Variants in ABCA4 observed in about 807,000 individuals in gnomAD.
ABCA4 encodes retinal-specific phospholipid-transporting ATPase ABCA4.
A neutral mutation model predicts 263.7 loss-of-function variants in ABCA4; 196 were observed. That is an observed-to-expected ratio of 0.74 (90% CI 0.66 to 0.84). The LOEUF is 0.84. Among genes scored for constraint, ABCA4 ranks in the 40% least tolerant of loss-of-function variants. The pLI, the probability that ABCA4 is intolerant of heterozygous loss-of-function variation, is 0.00. For synonymous variants in ABCA4, 1,133 were observed against 1,094.2 expected, an observed-to-expected ratio of 1.04 and a Z score of -0.70; for missense variants, 2,792 against 2,855.1, an observed-to-expected ratio of 0.98 and a Z score of 0.50.
chr1:94,087,800 T>C (rs1425792668), intron 6 of ABCA4, among the ~76,000 whole-genome samples: 1 of 152,174 alleles, frequency 6.6e-6, no homozygotes, highest in Non-Finnish European at 1.5e-5. Context: ...TTGACAAATA[T>C]GTATTGAGTG....
Position 94,046,966 on chromosome 1 carries a change from C to A in ABCA4, c.2871G>T (p.Gln957His), listed in dbSNP as rs1487933769. 6.2e-7 allele frequency: 1 copy of A among 1,614,188 alleles called. No individual in the cohort carries two copies. The highest frequency in any genetic ancestry group is 1.1e-5 in the South Asian group (1 of 91,078). Reference sequence around the variant, plus strand: ...CATTGTGGCCCAGGAATGCGGTGATCTGGTTCTCGTAGAAGGTGATGTTCA... The same window carrying A: ...CATTGTGGCCCAGGAATGCGGTGATATGGTTCTCGTAGAAGGTGATGTTCA... Reference protein sequence around the residue: ...DRLNITFYENQITAFLGHNGA... With the variant: ...DRLNITFYENHITAFLGHNGA... Residue 957 changes from glutamine to histidine, a missense_variant, in exon 19 of 50, where the codon CAG (glutamine) becomes CAT (histidine). By Grantham distance (24) the Gln-to-His change is conservative (BLOSUM62 0). Coordinates refer to ENST00000370225, the MANE Select transcript of ABCA4 (RefSeq NM_000350.3).
intron 6 of ABCA4, among the ~76,000 whole-genome samples, chr1:94,091,715 C>T (rs758153703): frequency 6.6e-6 from 1 of 152,022 alleles, no homozygotes; most frequent in Non-Finnish European, 1.5e-5. Context: ...CACTGCCAGC[C>T]GAAGTTCAAG....
intron 11 of ABCA4, among the ~76,000 whole-genome samples, chr1:94,073,561 T>G (rs1661463375): frequency 6.6e-6 from 1 of 152,240 alleles, no homozygotes. Context: ...TTAGCTCATT[T>G]AATTCTCATA....
chr1:94,084,572 T>C (rs1661783886), intron 6 of ABCA4, among the ~76,000 whole-genome samples: 1 of 152,200 alleles, frequency 6.6e-6, no homozygotes, highest in African/African-American at 2.4e-5. Context: ...CTAGAATAAA[T>C]GTAGGTACAC....
intron 4 of ABCA4, among the ~76,000 whole-genome samples, chr1:94,105,573 A>G (rs1349710009): frequency 7.7e-6 from 1 of 130,248 alleles, no homozygotes; most frequent in Non-Finnish European, 1.6e-5. Flanking sequence ...TTCGTTTAAA[A>G]TGTGGTTCTT....
chr1:94,019,973 A>T (rs1659852305), intron 35 of ABCA4, among the ~76,000 whole-genome samples: 1 of 152,184 alleles, frequency 6.6e-6, no homozygotes, highest in Non-Finnish European at 1.5e-5. Context: ...TTTCTATTTC[A>T]TGTGAATATT....
chr1:94,021,165 G>A, intron 35 of ABCA4, 75 bp downstream of exon 35: 1 of 1,600,542 alleles, frequency 6.2e-7, no homozygotes, highest in Non-Finnish European at 8.6e-7. Flanking sequence ...TCGCGGTGGT[G>A]AGAATCCTCT....
Position 94,021,301 on chromosome 1 carries a change from C to T in ABCA4, c.4957G>A (p.Gly1653Arg), listed in dbSNP as rs2101022885. ...LPKDRSPEEYGITVISQPLNL... is the reference protein window; with the variant it reads ...LPKDRSPEEYRITVISQPLNL... ...AGGGGTTGGCTAATGACGGTGATTC[C>T]ATACTCCTCGGGGCTCCTGTCCTTA... The change falls in exon 35 of 50, where the codon GGA (glycine) becomes AGA (arginine). Residue 1653 changes from glycine to arginine, a missense_variant. By Grantham distance (125) the Gly-to-Arg change is moderately radical. Coordinates refer to ENST00000370225, the MANE Select transcript of ABCA4 (RefSeq NM_000350.3). 1.2e-6 allele frequency: 2 copies of T among 1,614,216 alleles called. No homozygotes were observed. Among genetic ancestry groups the T allele is most frequent in the Non-Finnish European group, 1.7e-6 (2 of 1,180,042 alleles).
rs2275033 is a variant in ABCA4 at position 94,014,481 on chromosome 1, C to T, written c.5460+62G>A. 657,299 of 1,589,402 alleles carry T rather than the reference C, an allele frequency of 0.41. 139,563 individuals carry two copies. The highest frequency in any genetic ancestry group is 0.43 in the Non-Finnish European group (504,161 of 1,160,536). On this transcript the variant is annotated intron_variant, in intron 38 of 49. Coordinates refer to ENST00000370225, the MANE Select transcript of ABCA4 (RefSeq NM_000350.3). Reference sequence around the variant, plus strand: ...TACGATGCTTGCCCCTGGCTCTGCTCGACCAACACATACTCTACTATCCTA... The same window carrying T: ...TACGATGCTTGCCCCTGGCTCTGCTTGACCAACACATACTCTACTATCCTA...
At chr1:94,067,053 TA>T (rs1661286445) in intron 11 of ABCA4, among the ~76,000 whole-genome samples, 1 of 152,218 alleles carries the variant, frequency 6.6e-6, no homozygotes, top group East Asian at 1.9e-4. Context: ...CCGTGGTCTC[TA>T]GAATAGCATT....
chr1:94,014,516 C>CA (rs772800924), intron 38 of ABCA4, 27 bp downstream of exon 38: 5 of 1,613,514 alleles, frequency 3.1e-6, no homozygotes, highest in Admixed American at 1.7e-5. Context: ...ACTAATCAAA[C>CA]AAAAAAGCCA....
intron 36 of ABCA4, among the ~76,000 whole-genome samples, chr1:94,016,692 C>T (rs1659756255): frequency 6.6e-6 from 1 of 152,182 alleles, no homozygotes; most frequent in Admixed American, 6.5e-5. Context: ...ATAGTGTTCA[C>T]TGTATAGGTA....
chr1:94,064,727 C>A (rs1661218146), intron 11 of ABCA4, among the ~76,000 whole-genome samples: 1 of 151,980 alleles, frequency 6.6e-6, no homozygotes, highest in Non-Finnish European at 1.5e-5. Flanking sequence ...AGTGTGACAG[C>A]AGCACTAGAA....
intron 44 of ABCA4, among the ~76,000 whole-genome samples, chr1:94,003,903 G>C (rs1165713634): frequency 6.6e-6 from 1 of 152,158 alleles, no homozygotes; most frequent in African/African-American, 2.4e-5. Context: ...CTCCCAAAGT[G>C]CTGCGATTAC....
rs774505934 is a variant in ABCA4 at position 94,056,642 on chromosome 1, C to A, written c.2341G>T (p.Ala781Ser). 2.5e-6 allele frequency: 4 copies of A among 1,613,802 alleles called. No homozygotes were observed. Among genetic ancestry groups the A allele is most frequent in the Admixed American group, 3.3e-5 (2 of 60,032 alleles). The stretch of plus-strand genomic sequence containing the variant: ...TCAGCGGTCATGCGGTCCTGCCAGG[C>A]GAAGCACAGGATGTGTGGCAGGTAG... ...TLYLPHILCF[A>S]WQDRMTAELK... Residue 781 changes from alanine to serine, a missense_variant, in exon 15 of 50, where the codon GCC becomes TCC. Coordinates refer to ENST00000370225, the MANE Select transcript of ABCA4 (RefSeq NM_000350.3).
chr1:94,021,551 G>T (rs1277065944), intron 34 of ABCA4, 89 bp downstream of exon 34: 1 of 1,498,272 alleles, frequency 6.7e-7, no homozygotes, highest in Non-Finnish European at 9.2e-7. Flanking sequence ...GAGGAGGGAT[G>T]GAATTTAATG....
At chr1:94,101,593 T>A (rs1162204482) in intron 5 of ABCA4, among the ~76,000 whole-genome samples, 2 of 152,182 alleles carry the variant, frequency 1.3e-5, no homozygotes, top group Admixed American at 6.5e-5. Context: ...TCCTCTGGAC[T>A]CAGACAGCAC....
At chr1:94,088,397 T>G (rs1040235478) in intron 6 of ABCA4, among the ~76,000 whole-genome samples, 6 of 152,178 alleles carry the variant, frequency 3.9e-5, no homozygotes, top group Non-Finnish European at 8.8e-5. Context: ...TCTCATTTCC[T>G]TTATCATTTA....
chr1:94,010,678 T>G, intron 40 of ABCA4, 122 bp downstream of exon 40: 14 of 1,436,978 alleles, frequency 9.7e-6, no homozygotes, highest in Non-Finnish European at 1.4e-5. Context: ...AGCCAGGCTT[T>G]GAGAATGTAG....
Sources: allele counts gnomAD v4.1 joint callset (sites outside exome capture counted in the v4.1 genomes callset), GRCh38; gene constraint gnomAD v4.1.1; transcripts MANE v1.5; gene names NCBI Gene and HGNC (gene_info 2026-07-23, HGNC 2026-07-21).